Variants in FILIP1L observed in about 807,000 individuals in gnomAD.
The protein encoded by FILIP1L is filamin A interacting protein 1 like, also known as filamin A-interacting protein 1-like.
Under a neutral mutation model 96.6 loss-of-function variants are expected in FILIP1L, and 55 were observed. The observed-to-expected ratio is 0.57, with a 90% CI of 0.46 to 0.71. The LOEUF is 0.71. Ranked by LOEUF, FILIP1L falls within the 30% of genes least tolerant of loss-of-function variation. The pLI, the probability that FILIP1L is intolerant of heterozygous loss-of-function variation, is 0.00. For synonymous variants in FILIP1L, 467 were observed against 473.9 expected (o/e 0.99, Z 0.19); for missense variants, 1,304 against 1,321.2 (o/e 0.99, Z 0.20).
At position 100,096,790 on chromosome 3, in the gene FILIP1L, G is replaced by A. The variant is rs115015825; in HGVS notation, c.-11+17263C>T. 6.1e-3 allele frequency among the ~76,000 whole-genome samples: 934 copies of A among 152,214 alleles called. 6 individuals carry two copies. The highest frequency in any genetic ancestry group is 0.018 in the African/African-American group (739 of 41,530). ...ATAATTGGATTGTTTGTAACACAAA[G>A]GATAAATGTGTGAGGGAATGGATAC... is the stretch of plus-strand genomic sequence containing the variant. On this transcript the variant is annotated intron_variant, in intron 1 of 5. Transcript: ENST00000477258.
chr3:99,850,720 T>G lies in FILIP1L; in HGVS notation c.956A>C (p.Gln319Pro). 4.3e-6 allele frequency: 7 copies of G among 1,614,238 alleles called. No individual in the cohort carries two copies. Among genetic ancestry groups the G allele is most frequent in the East Asian group, 4.5e-5 (2 of 44,888 alleles). The change falls in exon 5 of 6, where the codon CAA becomes CCA. Residue 319 changes from glutamine (Q) to proline (P), a missense_variant. Physicochemically the swap from Gln to Pro is moderately conservative, Grantham distance 76. Transcript: ENST00000477258. The stretch of plus-strand genomic sequence containing the variant: ...CAGCTTTTGTTGAAGCTGGCGATTT[T>G]GACTGTCCTCATTGGTGAGCTTCGC... ...IMAKLTNEDS[Q>P]NRQLQQKLAA...
At chr3:99,998,975 C>A (rs1009415137) in intron 1 of FILIP1L, among the ~76,000 whole-genome samples, 1 of 152,204 alleles carries the variant, frequency 6.6e-6, no homozygotes, top group African/African-American at 2.4e-5. Flanking sequence ...AAAACCTCCA[C>A]CACAAGATTT....
intron 1 of FILIP1L, among the ~76,000 whole-genome samples, chr3:100,030,699 T>G (rs1341729870): frequency 2.0e-5 from 3 of 152,174 alleles, no homozygotes; most frequent in African/African-American, 7.2e-5. Flanking sequence ...CAATAACTGC[T>G]GCTTTTCCTC....
intron 1 of FILIP1L, among the ~76,000 whole-genome samples, chr3:100,004,839 G>A (rs1709943543): frequency 6.6e-6 from 1 of 152,232 alleles, no homozygotes; most frequent in Non-Finnish European, 1.5e-5. Flanking sequence ...CTATGGGGCA[G>A]GTGGGGAAAA....
At chr3:99,906,536 T>C (rs1706624147) in intron 4 of FILIP1L, among the ~76,000 whole-genome samples, 1 of 152,256 alleles carries the variant, frequency 6.6e-6, no homozygotes, top group African/African-American at 2.4e-5. Flanking sequence ...CAATAAAGTC[T>C]TACTTTTTTA....
intron 1 of FILIP1L, among the ~76,000 whole-genome samples, chr3:99,959,522 TG>T (rs2107700708): frequency 6.6e-6 from 1 of 152,360 alleles, no homozygotes; most frequent in Non-Finnish European, 1.5e-5. Context: ...TCATTTAATT[TG>T]TGTGTAGCTC....
At chr3:99,950,692 G>A (rs961969521) in intron 1 of FILIP1L, among the ~76,000 whole-genome samples, 1 of 152,074 alleles carries the variant, frequency 6.6e-6, no homozygotes, top group Non-Finnish European at 1.5e-5. Context: ...GGCAGCCCAC[G>A]ATTCTCTTTA....
chr3:99,963,852 GTGATC>G (rs1186021030), intron 1 of FILIP1L, among the ~76,000 whole-genome samples: 1 of 152,086 alleles, frequency 6.6e-6, no homozygotes, highest in Non-Finnish European at 1.5e-5. Context: ...TCCTCATCTT[GTGATC>G]TGCCTGCCTC....
intron 1 of FILIP1L, among the ~76,000 whole-genome samples, chr3:99,981,357 C>T (rs1420356854): frequency 6.6e-6 from 1 of 152,188 alleles, no homozygotes; most frequent in Non-Finnish European, 1.5e-5. Flanking sequence ...AAGAGTCAGG[C>T]CCTCCACCCA....
intron 4 of FILIP1L, among the ~76,000 whole-genome samples, chr3:99,853,608 G>T (rs1359416536): frequency 1.3e-5 from 2 of 152,108 alleles, no homozygotes; most frequent in Non-Finnish European, 2.9e-5. Flanking sequence ...TTTCAGCCTG[G>T]GGCATGTTGC....
intron 1 of FILIP1L, among the ~76,000 whole-genome samples, chr3:99,962,301 T>G (rs2107704501): frequency 6.6e-6 from 1 of 152,232 alleles, no homozygotes; most frequent in East Asian, 1.9e-4. Flanking sequence ...TGAGGTCGCA[T>G]GTGATGGGAG....
At chr3:100,071,090 C>CTTTTTTTTTTTTTTTTT (rs61563009) in intron 1 of FILIP1L, among the ~76,000 whole-genome samples, 1 of 70,588 alleles carries the variant, frequency 1.4e-5, no homozygotes, top group African/African-American at 6.1e-5. Flanking sequence ...GCTACTCTCT[C>CTTTTTTTTTTTTTTTTT]TTTTTTTTTT....
chr3:99,973,021 A>G (rs1035633380), intron 1 of FILIP1L, among the ~76,000 whole-genome samples: 2 of 152,200 alleles, frequency 1.3e-5, no homozygotes, highest in Non-Finnish European at 1.5e-5. Context: ...GAAACCACTA[A>G]AAGCTCCCCT....
chr3:99,999,037 C>T (rs1333602105), intron 1 of FILIP1L, among the ~76,000 whole-genome samples: 1 of 152,216 alleles, frequency 6.6e-6, no homozygotes. Context: ...GTGAAGCCTT[C>T]CGTGCCTCCC....
At chr3:99,869,345 A>G (rs1944673740) in intron 4 of FILIP1L, among the ~76,000 whole-genome samples, 1 of 152,194 alleles carries the variant, frequency 6.6e-6, no homozygotes, top group African/African-American at 2.4e-5. Context: ...AGATTAGTGG[A>G]GCCCCAAATC....
chr3:99,838,921 T>C (rs1943011169), intron 5 of FILIP1L, among the ~76,000 whole-genome samples: 2 of 152,318 alleles, frequency 1.3e-5, no homozygotes, highest in South Asian at 4.1e-4. Context: ...GCTGTATTCA[T>C]GGTTCTTCAC....
At chr3:99,857,929 G>C (rs1944051320) in intron 4 of FILIP1L, among the ~76,000 whole-genome samples, 1 of 152,150 alleles carries the variant, frequency 6.6e-6, no homozygotes, top group Admixed American at 6.5e-5. Flanking sequence ...TTAGTACTAA[G>C]GCTATCCTGA....
intron 4 of FILIP1L, among the ~76,000 whole-genome samples, chr3:99,885,191 G>A (rs1446274069): frequency 6.6e-6 from 1 of 152,180 alleles, no homozygotes; most frequent in Non-Finnish European, 1.5e-5. Context: ...CACAGAAGCA[G>A]CCTTCAGTTA....
chr3:99,948,491 C>G (rs555486992), intron 1 of FILIP1L, among the ~76,000 whole-genome samples: 1 of 146,932 alleles, frequency 6.8e-6, no homozygotes, highest in South Asian at 2.2e-4. Context: ...TTACAGTGAG[C>G]CATGATTATA....
Sources: gnomAD v4.1 joint callset for allele counts (sites outside exome capture counted in the v4.1 genomes callset) on GRCh38, gnomAD v4.1.1 for gene constraint, MANE v1.5 for transcripts, NCBI Gene and HGNC (gene_info 2026-07-23, HGNC 2026-07-21) for gene names.